NRXN3: variants seen among roughly 807,000 people sequenced by gnomAD.
NRXN3 encodes neurexin 3.
A neutral mutation model predicts 137.6 loss-of-function variants in NRXN3; 32 were observed. That is an observed-to-expected ratio of 0.23 (90% CI 0.18 to 0.31). The LOEUF is 0.31. Among genes scored for constraint, NRXN3 ranks in the 10% least tolerant of loss-of-function variants. The probability of loss-of-function intolerance (pLI) is 1.00; values close to 1 mark genes in which losing one functional copy is unlikely to be tolerated. For missense variants in NRXN3, 1,574 were observed against 2,062.5 expected (o/e 0.76, Z 4.59); for synonymous variants, 798 against 784.5 (o/e 1.02, Z -0.29).
chr14:78,772,722 C>T (rs1393625383), intron 8 of NRXN3, among the ~76,000 whole-genome samples: 1 of 152,102 alleles, frequency 6.6e-6, no homozygotes, highest in African/African-American at 2.4e-5. Context: ...TTCTAGCAAG[C>T]TCCCAGGGAA....
chr14:79,174,896 A>G (rs892972379), intron 15 of NRXN3, among the ~76,000 whole-genome samples: 21 of 152,124 alleles, frequency 1.4e-4, no homozygotes, highest in African/African-American at 5.1e-4. Context: ...AAGGGGAGCA[A>G]TAGGGGAATA....
chr14:79,520,393 C>T (rs1453697940), intron 16 of NRXN3, among the ~76,000 whole-genome samples: 1 of 151,924 alleles, frequency 6.6e-6, no homozygotes, highest in African/African-American at 2.4e-5. Flanking sequence ...TTTGCTGCAC[C>T]CATCAACCTG....
intron 16 of NRXN3, among the ~76,000 whole-genome samples, chr14:79,567,812 G>A (rs916171209): frequency 1.3e-5 from 2 of 152,068 alleles, no homozygotes; most frequent in South Asian, 4.1e-4. Flanking sequence ...AGACTTTCTG[G>A]ATGTAAGTTT....
At chr14:78,980,982 ATATTAAT>A (rs1381382583) in intron 14 of NRXN3, among the ~76,000 whole-genome samples, 1 of 152,212 alleles carries the variant, frequency 6.6e-6, no homozygotes, top group Non-Finnish European at 1.5e-5. Context: ...ATGTTTTAAG[ATATTAAT>A]AATTAATAAT....
At chr14:79,502,246 TC>T (rs1299844466) in intron 16 of NRXN3, among the ~76,000 whole-genome samples, 1 of 152,148 alleles carries the variant, frequency 6.6e-6, no homozygotes, top group Non-Finnish European at 1.5e-5. Flanking sequence ...TTCACAACTT[TC>T]CCCTAAAACA....
intron 19 of NRXN3, among the ~76,000 whole-genome samples, chr14:79,728,386 G>T (rs1471746551): frequency 6.6e-6 from 1 of 152,134 alleles, no homozygotes; most frequent in Non-Finnish European, 1.5e-5. Flanking sequence ...AGTCCTTCCT[G>T]CTCTCACCTG....
chr14:79,184,620 C>T (rs1016964334), intron 15 of NRXN3, among the ~76,000 whole-genome samples: 2 of 152,168 alleles, frequency 1.3e-5, no homozygotes, highest in Non-Finnish European at 2.9e-5. Flanking sequence ...ATGATAAAGG[C>T]GACCTGAATA....
intron 1 of NRXN3, among the ~76,000 whole-genome samples, chr14:78,194,709 A>C (rs1326625329): frequency 3.9e-5 from 6 of 152,150 alleles, no homozygotes; most frequent in Non-Finnish European, 8.8e-5. Context: ...CCAGAGGCGG[A>C]TGGCTACGGA....
At chr14:79,217,461 A>G (rs2068737268) in intron 15 of NRXN3, among the ~76,000 whole-genome samples, 1 of 152,210 alleles carries the variant, frequency 6.6e-6, no homozygotes, top group Non-Finnish European at 1.5e-5. Context: ...CCCATCTCCA[A>G]CATAATGGAT....
chr14:78,747,965 T>C (rs1326925632), intron 8 of NRXN3, among the ~76,000 whole-genome samples: 1 of 152,214 alleles, frequency 6.6e-6, no homozygotes, highest in Non-Finnish European at 1.5e-5. Flanking sequence ...AGCACTTTCA[T>C]TTTCATTTTA....
intron 4 of NRXN3, among the ~76,000 whole-genome samples, chr14:78,585,818 G>T (rs984738180): frequency 1.3e-5 from 2 of 152,166 alleles, no homozygotes; most frequent in Non-Finnish European, 2.9e-5. Context: ...GCATTTCCGT[G>T]TCTAGGAGAC....
intron 15 of NRXN3, among the ~76,000 whole-genome samples, chr14:79,269,728 T>C (rs199616269): frequency 6.6e-6 from 1 of 152,172 alleles, no homozygotes; most frequent in East Asian, 1.9e-4. Context: ...CCCATACCGA[T>C]GAGCTTTTCA....
chr14:79,179,242 A>G (rs2062673122), intron 15 of NRXN3, among the ~76,000 whole-genome samples: 1 of 152,164 alleles, frequency 6.6e-6, no homozygotes, highest in Admixed American at 6.5e-5. Flanking sequence ...GCAAGAAAAC[A>G]ACAACAACAA....
intron 6 of NRXN3, among the ~76,000 whole-genome samples, chr14:78,655,269 A>G (rs1265265613): frequency 6.6e-6 from 1 of 152,232 alleles, no homozygotes; most frequent in Non-Finnish European, 1.5e-5. Flanking sequence ...TAAAAGTGAA[A>G]TCATACAGCA....
Position 79,861,769 on chromosome 14 carries a change from C to T in NRXN3, c.4521C>T (p.Ala1507=), listed in dbSNP as rs780915348. 1.5e-5 allele frequency: 24 copies of T among 1,614,074 alleles called. No homozygotes were observed. In the South Asian group the frequency reaches 2.5e-4, roughly 17 times the overall value. The change falls in exon 21 of 21, where the codon GCC becomes GCT. Residue 1507 remains alanine, a synonymous_variant. Coordinates refer to ENST00000335750, the MANE Select transcript of NRXN3 (RefSeq NM_001330195.2). The surrounding 1 kb of genome is among the most constrained non-coding windows in gnomAD (Gnocchi z 5.4). ...GMVVGIVAAA[A]LCILILLYAM... is the part of the protein sequence containing the mutation. ...TCGTCGGCATTGTGGCTGCTGCCGC[C>T]CTCTGCATCTTGATCCTCCTGTACG...
intron 15 of NRXN3, among the ~76,000 whole-genome samples, chr14:79,025,209 G>A (rs1408212701): frequency 6.6e-6 from 1 of 151,934 alleles, no homozygotes; most frequent in African/African-American, 2.4e-5. Flanking sequence ...TTCAAATCTA[G>A]ACTGCTGTTC....
intron 15 of NRXN3, among the ~76,000 whole-genome samples, chr14:79,018,223 G>A (rs1372864780): frequency 1.6e-5 from 2 of 127,866 alleles, no homozygotes; most frequent in Middle Eastern, 4.5e-3. Flanking sequence ...TCATGCCACG[G>A]CACTCCAGCC....
intron 15 of NRXN3, among the ~76,000 whole-genome samples, chr14:79,334,752 T>G (rs985301153): frequency 6.6e-6 from 1 of 152,174 alleles, no homozygotes; most frequent in Non-Finnish European, 1.5e-5. Context: ...GCGTGCTACA[T>G]TATTATGATG....
intron 10 of NRXN3, among the ~76,000 whole-genome samples, chr14:78,902,288 T>C (rs1243383848): frequency 1.3e-5 from 2 of 152,152 alleles, no homozygotes; most frequent in African/African-American, 4.8e-5. Context: ...ATAGTTTCTA[T>C]ATTTGACTTT....
Sources: allele counts gnomAD v4.1 joint callset (sites outside exome capture counted in the v4.1 genomes callset), GRCh38; gene constraint gnomAD v4.1.1; non-coding constraint Gnocchi (gnomAD v3.1); transcripts MANE v1.5; gene names NCBI Gene and HGNC (gene_info 2026-07-23, HGNC 2026-07-21).